Variants in BMPR1B observed in about 807,000 individuals in gnomAD.
BMPR1B encodes bone morphogenetic protein receptor type-1B.
BMPR1B carries 12 observed loss-of-function variants against 59.1 expected under a neutral mutation model. That is an observed-to-expected ratio of 0.20 (90% confidence interval 0.13 to 0.33). BMPR1B has a LOEUF of 0.33. Among genes scored for constraint, BMPR1B ranks in the 10% least tolerant of loss-of-function variants. The pLI, the probability that BMPR1B is intolerant of heterozygous loss-of-function variation, is 1.00. For synonymous variants in BMPR1B, 237 were observed against 207.3 expected (o/e 1.14, Z -1.23); for missense variants, 550 against 610.9 (o/e 0.90, Z 1.05).
At chr4:94,867,395 T>C (rs1483953810) in intron 1 of BMPR1B, among the ~76,000 whole-genome samples, 6 of 152,350 alleles carry the variant, frequency 3.9e-5, no homozygotes, top group African/African-American at 1.4e-4. Flanking sequence ...GAGGCATCTT[T>C]CTGAGTGATG....
chr4:95,067,843 C>T (rs73838014), intron 3 of BMPR1B, among the ~76,000 whole-genome samples: 7,526 of 152,044 alleles, frequency 0.049, 634 homozygotes, highest in African/African-American at 0.17. Flanking sequence ...AGATGGAGGT[C>T]GCGGGGGCAA....
intron 2 of BMPR1B, among the ~76,000 whole-genome samples, chr4:94,984,423 C>G (rs1025609808): frequency 5.3e-5 from 8 of 152,098 alleles, no homozygotes; most frequent in African/African-American, 1.9e-4. Flanking sequence ...AGTCCTTGGG[C>G]ACATAAATAT....
intron 1 of BMPR1B, among the ~76,000 whole-genome samples, chr4:94,775,166 A>T (rs1321042613): frequency 6.6e-6 from 1 of 152,176 alleles, no homozygotes; most frequent in Non-Finnish European, 1.5e-5. Context: ...TTCAGTAAGG[A>T]TCATGTGGGA....
chr4:94,881,816 A>G (rs1254236871), intron 2 of BMPR1B, among the ~76,000 whole-genome samples: 1 of 152,086 alleles, frequency 6.6e-6, no homozygotes, highest in Admixed American at 6.6e-5. Flanking sequence ...AAATAAGGCT[A>G]TTGGTTTCAC....
At chr4:94,768,504 T>A (rs1355109589) in intron 1 of BMPR1B, among the ~76,000 whole-genome samples, 1 of 152,074 alleles carries the variant, frequency 6.6e-6, no homozygotes, top group Admixed American at 6.6e-5. Context: ...CATTTTTCCC[T>A]CCCCTTTCAT....
At chr4:94,938,488 G>A (rs1213696767) in intron 2 of BMPR1B, among the ~76,000 whole-genome samples, 2 of 151,370 alleles carry the variant, frequency 1.3e-5, no homozygotes, top group Admixed American at 6.6e-5. Flanking sequence ...GAGCGAGACT[G>A]TGTCTAAAAA....
At chr4:94,834,820 G>A (rs1384239519) in intron 1 of BMPR1B, among the ~76,000 whole-genome samples, 2 of 151,858 alleles carry the variant, frequency 1.3e-5, no homozygotes, top group East Asian at 3.9e-4. Context: ...GCCTACTTTA[G>A]GTATTTTAAT....
chr4:95,104,090 A>G (rs1334550587), intron 3 of BMPR1B, among the ~76,000 whole-genome samples: 1 of 152,022 alleles, frequency 6.6e-6, no homozygotes, highest in South Asian at 2.1e-4. Context: ...GTGTTTACCC[A>G]TGGAATTACC....
At chr4:94,790,602 A>G (rs1722945006) in intron 1 of BMPR1B, among the ~76,000 whole-genome samples, 1 of 152,190 alleles carries the variant, frequency 6.6e-6, no homozygotes, top group Admixed American at 6.5e-5. Context: ...TCTAGGGGAC[A>G]TTGATGGCTT....
intron 2 of BMPR1B, among the ~76,000 whole-genome samples, chr4:94,989,594 C>T (rs1472366806): frequency 6.6e-6 from 1 of 152,064 alleles, no homozygotes; most frequent in Non-Finnish European, 1.5e-5. Flanking sequence ...AGAGAATTAG[C>T]ACATTTTCTT....
At chr4:94,942,152 TTTGGATGTG>T (rs1729543881) in intron 2 of BMPR1B, among the ~76,000 whole-genome samples, 1 of 152,184 alleles carries the variant, frequency 6.6e-6, no homozygotes, top group Non-Finnish European at 1.5e-5. Flanking sequence ...ACCATGTATT[TTTGGATGTG>T]TAGATTGTGG....
chr4:94,902,046 G>GGTGTGTGTGTGTGT (rs34068392), intron 2 of BMPR1B, among the ~76,000 whole-genome samples: 67 of 119,248 alleles, frequency 5.6e-4, no homozygotes, highest in African/African-American at 7.5e-4. Flanking sequence ...CAGACTGCAT[G>GGTGTGTGTGTGTGT]GTGTGTGTGT....
At chr4:94,994,875 T>A (rs1053696546) in intron 2 of BMPR1B, among the ~76,000 whole-genome samples, 11 of 152,170 alleles carry the variant, frequency 7.2e-5, no homozygotes, top group Non-Finnish European at 1.5e-5. Flanking sequence ...CTGTAAGTAA[T>A]CAGGCAAGGT....
intron 3 of BMPR1B, among the ~76,000 whole-genome samples, chr4:95,090,240 AT>A (rs1729881163): frequency 6.6e-6 from 1 of 151,980 alleles, no homozygotes; most frequent in Non-Finnish European, 1.5e-5. Flanking sequence ...GCAATAAAAA[AT>A]AACTTAAAAT....
At chr4:95,049,412 C>A (rs2149184893) in intron 3 of BMPR1B, among the ~76,000 whole-genome samples, 2 of 122,368 alleles carry the variant, frequency 1.6e-5, no homozygotes, top group East Asian at 2.6e-4. Flanking sequence ...ATGTGCCCAG[C>A]ATAAAAGTTT....
At chr4:95,039,173 C>T (rs1725470657) in intron 3 of BMPR1B, among the ~76,000 whole-genome samples, 1 of 152,144 alleles carries the variant, frequency 6.6e-6, no homozygotes, top group Non-Finnish European at 1.5e-5. Flanking sequence ...TCAGATGCGT[C>T]ACTGGTTTTA....
At chr4:95,106,908 C>T (rs2149268264) in intron 4 of BMPR1B, among the ~76,000 whole-genome samples, 1 of 151,878 alleles carries the variant, frequency 6.6e-6, no homozygotes, top group East Asian at 1.9e-4. Context: ...TGAGTTTAGG[C>T]CTGCTGCACA....
At chr4:94,868,009 G>C (rs1726314940) in intron 1 of BMPR1B, among the ~76,000 whole-genome samples, 1 of 140,910 alleles carries the variant, frequency 7.1e-6, no homozygotes, top group Non-Finnish European at 1.5e-5. Flanking sequence ...CCGTGCCTGT[G>C]CCCCGCTAAT....
intron 2 of BMPR1B, among the ~76,000 whole-genome samples, chr4:94,933,469 G>A (rs917233753): frequency 6.6e-6 from 1 of 151,916 alleles, no homozygotes; most frequent in African/African-American, 2.4e-5. Context: ...CAATTTAATG[G>A]CATTGAGTCT....
Sources: gnomAD v4.1 joint callset for allele counts (sites outside exome capture counted in the v4.1 genomes callset) on GRCh38, gnomAD v4.1.1 for gene constraint, MANE v1.5 for transcripts, NCBI Gene and HGNC (gene_info 2026-07-23, HGNC 2026-07-21) for gene names.